Variants in PLCB1 observed in about 807,000 individuals in gnomAD.
PLCB1 encodes 1-phosphatidylinositol 4,5-bisphosphate phosphodiesterase beta-1.
A neutral mutation model predicts 161.8 loss-of-function variants in PLCB1; 46 were observed. The observed-to-expected ratio is 0.28, with a 90% confidence interval of 0.22 to 0.36. The LOEUF (loss-of-function observed/expected upper bound fraction) is 0.36, where lower values mean the gene tolerates loss of function less well. PLCB1 is among the 10% of genes least tolerant of loss of function. PLCB1 has a pLI of 1.00. For missense variants in PLCB1, 1,016 were observed against 1,472.5 expected, an observed-to-expected ratio of 0.69 and a Z score of 5.07; for synonymous variants, 517 against 503.7, an observed-to-expected ratio of 1.03 and a Z score of -0.35.
chr20:8,815,193 A>T (rs751601464), intron 31 of PLCB1, among the ~76,000 whole-genome samples: 65 of 152,118 alleles, frequency 4.3e-4, no homozygotes, highest in Non-Finnish European at 8.5e-4. Flanking sequence ...GAATTTATAC[A>T]CAATTAAAGG....
At chr20:8,344,354 C>G (rs1203369628) in intron 2 of PLCB1, among the ~76,000 whole-genome samples, 3 of 152,216 alleles carry the variant, frequency 2.0e-5, no homozygotes, top group African/African-American at 4.8e-5. Context: ...TTAGTCCACC[C>G]TCTTCTTTGC....
At chr20:8,791,081 C>T in intron 31 of PLCB1, among the ~76,000 whole-genome samples, 1 of 152,058 alleles carries the variant, frequency 6.6e-6, no homozygotes, top group Admixed American at 6.6e-5. Flanking sequence ...TTTCATTCAC[C>T]AGTTTACTTC....
At chr20:8,189,084 A>C (rs1336107435) in intron 2 of PLCB1, among the ~76,000 whole-genome samples, 2 of 151,988 alleles carry the variant, frequency 1.3e-5, no homozygotes, top group African/African-American at 4.8e-5. Flanking sequence ...ATCTCTGTAC[A>C]TTTGACTGTT....
intron 12 of PLCB1, among the ~76,000 whole-genome samples, chr20:8,709,895 T>C (rs1978900148): frequency 6.6e-6 from 1 of 152,202 alleles, no homozygotes. Flanking sequence ...TGTTCCATGC[T>C]ATTTCTGTTC....
chr20:8,305,161 CACCTGTACTT>C (rs542728256), intron 2 of PLCB1, among the ~76,000 whole-genome samples: 167 of 152,328 alleles, frequency 1.1e-3, no homozygotes, highest in Non-Finnish European at 1.8e-3. Flanking sequence ...TAATTAAGAA[CACCTGTACTT>C]AACTCGTGGC....
intron 2 of PLCB1, among the ~76,000 whole-genome samples, chr20:8,321,504 C>A (rs754652490): frequency 3.9e-5 from 6 of 151,982 alleles, no homozygotes; most frequent in Non-Finnish European, 7.4e-5. Flanking sequence ...ATTAGGAGAA[C>A]CTTTGAAGAC....
At chr20:8,879,306 AAAAAAC>A (rs1016952010) in intron 31 of PLCB1, among the ~76,000 whole-genome samples, 1 of 152,094 alleles carries the variant, frequency 6.6e-6, no homozygotes, top group East Asian at 1.9e-4. Context: ...GAAAAAAAAA[AAAAAAC>A]AAGTCATTTA....
At chr20:8,274,678 TA>T (rs1220127045) in intron 2 of PLCB1, among the ~76,000 whole-genome samples, 12 of 152,290 alleles carry the variant, frequency 7.9e-5, no homozygotes, top group African/African-American at 2.9e-4. Flanking sequence ...TCTATTTTTT[TA>T]ATATTTTTAG....
intron 2 of PLCB1, among the ~76,000 whole-genome samples, chr20:8,163,163 G>A (rs1373381973): frequency 6.6e-6 from 1 of 152,302 alleles, no homozygotes; most frequent in Non-Finnish European, 1.5e-5. Context: ...ATAGGCAAGG[G>A]AAGACAGCCA....
intron 17 of PLCB1, 69 bp downstream of exon 17, chr20:8,727,462 T>C (rs1980001892): frequency 1.1e-6 from 1 of 890,188 alleles, no homozygotes; most frequent in African/African-American, 1.7e-5. Context: ...GTTCATTTGG[T>C]TTTTTAATAA....
intron 31 of PLCB1, among the ~76,000 whole-genome samples, chr20:8,860,782 G>A (rs1265319838): frequency 6.6e-6 from 1 of 152,078 alleles, no homozygotes; most frequent in African/African-American, 2.4e-5. Flanking sequence ...AGACTCACAG[G>A]GAAGAGTTCA....
chr20:8,771,351 A>G (rs1650923999), intron 26 of PLCB1, among the ~76,000 whole-genome samples: 1 of 152,176 alleles, frequency 6.6e-6, no homozygotes, highest in African/African-American at 2.4e-5. Flanking sequence ...GAAATTACAT[A>G]TGTGAAGGGA....
intron 23 of PLCB1, among the ~76,000 whole-genome samples, chr20:8,747,986 A>G (rs1162402699): frequency 2.0e-5 from 3 of 152,336 alleles, no homozygotes; most frequent in Middle Eastern, 3.4e-3. Context: ...TTCATTCACA[A>G]TATAAGAACT....
chr20:8,836,293 T>C (rs992199418), intron 31 of PLCB1, among the ~76,000 whole-genome samples: 4 of 152,196 alleles, frequency 2.6e-5, no homozygotes, highest in Non-Finnish European at 5.9e-5. Context: ...ACTGTGGCCA[T>C]TTTTTCAATC....
intron 2 of PLCB1, among the ~76,000 whole-genome samples, chr20:8,367,012 T>G (rs1303311544): frequency 6.6e-6 from 1 of 152,228 alleles, no homozygotes. Context: ...AATTGTTGCT[T>G]GAGTTTCTGA....
chr20:8,439,070 A>G (rs1980433809), intron 3 of PLCB1, among the ~76,000 whole-genome samples: 1 of 152,226 alleles, frequency 6.6e-6, no homozygotes, highest in African/African-American at 2.4e-5. Flanking sequence ...AGAGCTTTCT[A>G]CATTGTGAAG....
At chr20:8,860,328 A>G (rs2066885) in intron 31 of PLCB1, among the ~76,000 whole-genome samples, 43,134 of 152,086 alleles carry the variant, frequency 0.28, 7,413 homozygotes, top group East Asian at 0.65. Flanking sequence ...TCATTTCCAT[A>G]TGGTGTAACT....
intron 31 of PLCB1, among the ~76,000 whole-genome samples, chr20:8,817,405 C>G (rs978400566): frequency 6.6e-6 from 1 of 152,052 alleles, no homozygotes; most frequent in Non-Finnish European, 1.5e-5. Context: ...CCTGAGAATT[C>G]ATGATTGCAA....
chr20:8,134,886 C>G (rs2122997310), intron 1 of PLCB1, among the ~76,000 whole-genome samples: 1 of 151,644 alleles, frequency 6.6e-6, no homozygotes, highest in East Asian at 1.9e-4. Flanking sequence ...AAAAAAAAAC[C>G]TAGACTGCAC....
Sources: allele counts gnomAD v4.1 joint callset (sites outside exome capture counted in the v4.1 genomes callset), GRCh38; gene constraint gnomAD v4.1.1; transcripts MANE v1.5; gene names NCBI Gene and HGNC (gene_info 2026-07-23, HGNC 2026-07-21).